The following RAB30 variants were observed in gnomAD, a reference collection of about 807,000 sequenced individuals.
The protein encoded by RAB30 is RAB30, member RAS oncogene family, also known as ras-related protein Rab-30.
RAB30 carries 9 observed loss-of-function variants against 25.1 expected under a neutral mutation model. The ratio of observed to expected loss-of-function variants is 0.36; its 90% CI spans 0.22 to 0.63. The LOEUF is 0.63. Among genes scored for constraint, RAB30 ranks in the 20% least tolerant of loss-of-function variants. RAB30 has a pLI of 0.69. For missense variants in RAB30, 140 were observed against 243.5 expected, an observed-to-expected ratio of 0.58 and a Z score of 2.83; for synonymous variants, 77 against 86.4, an observed-to-expected ratio of 0.89 and a Z score of 0.60.
At chr11:82,990,020 A>C (rs1856818968) in intron 3 of RAB30, among the ~76,000 whole-genome samples, 1 of 152,248 alleles carries the variant, frequency 6.6e-6, no homozygotes, top group Non-Finnish European at 1.5e-5. Flanking sequence ...ACAGTTAATT[A>C]ACTATAGCAG....
intron 1 of RAB30, among the ~76,000 whole-genome samples, chr11:83,061,678 G>GT (rs1177298087): frequency 2.0e-5 from 2 of 98,264 alleles, no homozygotes; most frequent in Non-Finnish European, 4.6e-5. Flanking sequence ...TTTGTTTTTT[G>GT]TTTTTTTAGG....
chr11:83,012,515 C>T (rs748048022), intron 1 of RAB30, among the ~76,000 whole-genome samples: 3 of 152,156 alleles, frequency 2.0e-5, no homozygotes, highest in African/African-American at 4.8e-5. Flanking sequence ...TGACCCTGGG[C>T]AAGTTCCTTG....
chr11:83,049,908 T>C (rs537702340), intron 1 of RAB30, among the ~76,000 whole-genome samples: 1 of 152,148 alleles, frequency 6.6e-6, no homozygotes, highest in Non-Finnish European at 1.5e-5. Flanking sequence ...TTCTCACTCC[T>C]CAAAGTAGAA....
chr11:83,057,583 A>C (rs1258306630), intron 1 of RAB30, among the ~76,000 whole-genome samples: 1 of 152,194 alleles, frequency 6.6e-6, no homozygotes, highest in African/African-American at 2.4e-5. Flanking sequence ...GAGGGAGAGG[A>C]AAGGGAAGAA....
Position 83,034,375 on chromosome 11 carries a change from A to G in RAB30, c.-8-37051T>C, listed in dbSNP as rs751008189. 2.6e-5 allele frequency: 4 copies of G among 152,280 alleles called. 1 individual carries two copies. Among genetic ancestry groups the G allele is most frequent in the Non-Finnish European group, 5.9e-5 (4 of 68,102 alleles). 9.4% of individuals were successfully genotyped at this position (152,280 alleles called of 1,614,324 possible). ...CTGCCAGCCCCTCCCCCTGCAGCTA[A>G]GAATCTCTGAGCCAGCTTTGCCCCA... is the stretch of plus-strand genomic sequence containing the variant. On this transcript the variant is annotated intron_variant, in intron 1 of 4. Coordinates refer to ENST00000527633, the MANE Select transcript of RAB30 (RefSeq NM_001286060.2).
intron 1 of RAB30, among the ~76,000 whole-genome samples, chr11:83,007,102 T>TA (rs1212142427): frequency 1.3e-5 from 2 of 152,264 alleles, no homozygotes; most frequent in Non-Finnish European, 2.9e-5. Flanking sequence ...GAAACCAAGA[T>TA]AGTGACTTGC....
chr11:83,002,289 C>T (rs917879359), intron 1 of RAB30, among the ~76,000 whole-genome samples: 1 of 152,188 alleles, frequency 6.6e-6, no homozygotes, highest in Non-Finnish European at 1.5e-5. Context: ...ATTACACAAG[C>T]GCTGCTCCTC....
intron 3 of RAB30, chr11:82,992,318 G>A (rs1334666109): frequency 2.2e-6 from 1 of 456,118 alleles, no homozygotes; most frequent in Non-Finnish European, 4.4e-6. Context: ...TTCATACCCT[G>A]CTTTTATCTT....
intron 1 of RAB30, among the ~76,000 whole-genome samples, chr11:83,052,181 T>C (rs981337840): frequency 1.3e-5 from 2 of 152,234 alleles, no homozygotes; most frequent in African/African-American, 4.8e-5. Context: ...CTCTGGCATC[T>C]GTAAAACACG....
At chr11:83,010,682 AC>A (rs1416035517) in intron 1 of RAB30, among the ~76,000 whole-genome samples, 1 of 152,226 alleles carries the variant, frequency 6.6e-6, no homozygotes, top group African/African-American at 2.4e-5. Context: ...GCAGGGTCTT[AC>A]TTGGCACATA....
In RAB30 at chr11:82,974,761, TA is replaced by T. The variant is rs1856513214; in HGVS notation, c.*7403del. 6.6e-6 allele frequency: 1 copy of T among 152,100 alleles called. No homozygotes were observed. Among genetic ancestry groups the T allele is most frequent in the South Asian group, 2.1e-4 (1 of 4,824 alleles). The allele number at this position is 152,100 out of a possible 1,614,324, so 9.4% of individuals were successfully genotyped here. ...GTCTTCATAAAGCAGCTTCTCTAAA[TA>T]TTTTAACTAGCTGCTGAGATCTCCA... On this transcript the variant is annotated 3_prime_UTR_variant, in exon 5 of 5. Transcript: ENST00000527633.
intron 2 of RAB30, 83 bp downstream of exon 2, chr11:82,997,141 A>G: frequency 8.6e-7 from 1 of 1,158,634 alleles, no homozygotes; most frequent in Non-Finnish European, 1.3e-6. Flanking sequence ...CTGGTCATCC[A>G]TCTCGACAGA....
chr11:83,065,175 C>T (rs1406186503), intron 1 of RAB30, among the ~76,000 whole-genome samples: 2 of 151,910 alleles, frequency 1.3e-5, no homozygotes, highest in Non-Finnish European at 2.9e-5. Flanking sequence ...ACCACTTGAG[C>T]CCAGGAGTTC....
chr11:83,022,486 T>C (rs1857604743), intron 1 of RAB30, among the ~76,000 whole-genome samples: 1 of 152,196 alleles, frequency 6.6e-6, no homozygotes, highest in African/African-American at 2.4e-5. Flanking sequence ...ATAAAACTGC[T>C]AGATCCCTTC....
At chr11:83,019,784 T>C (rs1857524083) in intron 1 of RAB30, among the ~76,000 whole-genome samples, 2 of 152,246 alleles carry the variant, frequency 1.3e-5, no homozygotes, top group South Asian at 4.1e-4. Flanking sequence ...TTGGCTATTG[T>C]TACCACGAGA....
chr11:83,027,403 G>A (rs1458656907), intron 1 of RAB30, among the ~76,000 whole-genome samples: 1 of 152,106 alleles, frequency 6.6e-6, no homozygotes, highest in Non-Finnish European at 1.5e-5. Context: ...CTTCTCCCGA[G>A]TACCAAAACA....
At chr11:83,026,225 C>T (rs868623882) in intron 1 of RAB30, among the ~76,000 whole-genome samples, 1 of 152,048 alleles carries the variant, frequency 6.6e-6, no homozygotes, top group Non-Finnish European at 1.5e-5. Flanking sequence ...CACATACACA[C>T]ATACATAAAA....
chr11:83,059,583 G>C (rs1054538933), intron 1 of RAB30, among the ~76,000 whole-genome samples: 71 of 152,310 alleles, frequency 4.7e-4, no homozygotes, highest in African/African-American at 1.7e-3. Context: ...GTGTGGAGTA[G>C]CAGGAACCAA....
At chr11:83,042,317 C>T (rs1208061203) in intron 1 of RAB30, among the ~76,000 whole-genome samples, 1 of 151,930 alleles carries the variant, frequency 6.6e-6, no homozygotes, top group Non-Finnish European at 1.5e-5. Context: ...CTTTGGGAGG[C>T]CAAGGTGGGT....
Sources: gnomAD v4.1 joint callset for allele counts (sites outside exome capture counted in the v4.1 genomes callset) on GRCh38, gnomAD v4.1.1 for gene constraint, MANE v1.5 for transcripts, NCBI Gene and HGNC (gene_info 2026-07-23, HGNC 2026-07-21) for gene names.